PCTP: variants seen among roughly 807,000 people sequenced by gnomAD.
PCTP encodes the protein phosphatidylcholine transfer protein, also known as START domain-containing protein 2.
A neutral mutation model predicts 31.0 loss-of-function variants in PCTP; 27 were observed. The observed-to-expected ratio is 0.87, with a 90% CI of 0.64 to 1.20. The LOEUF is 1.20. PCTP is among the 50% of genes most tolerant of loss of function. The pLI, the probability that PCTP is intolerant of heterozygous loss-of-function variation, is 0.00. For synonymous variants in PCTP, 108 were observed against 101.2 expected (o/e 1.07, Z -0.40); for missense variants, 287 against 268.2 (o/e 1.07, Z -0.49).
chr17:55,795,713 A>G (rs1022343490), intron 3 of PCTP, among the ~76,000 whole-genome samples: 18 of 152,098 alleles, frequency 1.2e-4, no homozygotes, highest in African/African-American at 4.3e-4. Flanking sequence ...AACACATAGT[A>G]GATATTAAAA....
chr17:55,794,588 T>C (rs1912119894), intron 3 of PCTP, among the ~76,000 whole-genome samples: 1 of 152,004 alleles, frequency 6.6e-6, no homozygotes, highest in African/African-American at 2.4e-5. Context: ...TTATATGCAA[T>C]TTAAATTATA....
intron 1 of PCTP, among the ~76,000 whole-genome samples, chr17:55,757,000 G>T (rs1393469619): frequency 6.6e-6 from 1 of 152,012 alleles, no homozygotes; most frequent in Non-Finnish European, 1.5e-5. Context: ...TTCCTCATTT[G>T]CAAAACCTGG....
At chr17:55,762,273 G>A in intron 1 of PCTP, among the ~76,000 whole-genome samples, 1 of 152,130 alleles carries the variant, frequency 6.6e-6, no homozygotes. Context: ...ATTTTGTTCT[G>A]GTTGATCAGT....
intron 5 of PCTP, among the ~76,000 whole-genome samples, chr17:55,830,183 C>G (rs1261976912): frequency 1.3e-5 from 2 of 152,154 alleles, no homozygotes; most frequent in Non-Finnish European, 2.9e-5. Flanking sequence ...GCTAAAAAAC[C>G]TGGGCATCAG....
intron 3 of PCTP, among the ~76,000 whole-genome samples, chr17:55,817,978 T>C (rs150145877): frequency 1.0e-3 from 157 of 152,182 alleles, no homozygotes; most frequent in African/African-American, 3.6e-3. Flanking sequence ...TGATTGGTCA[T>C]AGGGGAGAGG....
chr17:55,843,200 A>C (rs914288429), downstream of PCTP, among the ~76,000 whole-genome samples: 2 of 152,066 alleles, frequency 1.3e-5, no homozygotes, highest in Non-Finnish European at 2.9e-5. Flanking sequence ...TATTATAATA[A>C]TGTTATATTA....
intron 3 of PCTP, among the ~76,000 whole-genome samples, chr17:55,821,717 A>G (rs1369079982): frequency 1.3e-5 from 2 of 152,190 alleles, no homozygotes; most frequent in Non-Finnish European, 1.5e-5. Context: ...CAAGGTCACA[A>G]AACTAGTAAT....
chr17:55,823,746 T>C (rs1419023233), downstream of PCTP, among the ~76,000 whole-genome samples: 2 of 152,222 alleles, frequency 1.3e-5, no homozygotes, highest in African/African-American at 4.8e-5. Context: ...GGCAACTGTT[T>C]TGGACATGTC....
At chr17:55,838,987 C>T (rs918028294) in intron 5 of PCTP, among the ~76,000 whole-genome samples, 2 of 152,168 alleles carry the variant, frequency 1.3e-5, no homozygotes, top group African/African-American at 4.8e-5. Context: ...AGCTGAGGCT[C>T]ATGGTTAACA....
chr17:55,794,733 T>C (rs1912126870), intron 3 of PCTP, among the ~76,000 whole-genome samples: 1 of 152,014 alleles, frequency 6.6e-6, no homozygotes, highest in African/African-American at 2.4e-5. Context: ...CCAAGAAGTT[T>C]CCGCATTTTG....
At chr17:55,798,158 G>T (rs1192437923) in intron 3 of PCTP, among the ~76,000 whole-genome samples, 3 of 151,946 alleles carry the variant, frequency 2.0e-5, no homozygotes, top group African/African-American at 7.2e-5. Context: ...AAAAATGTCA[G>T]TTGGAAATAT....
downstream of PCTP, among the ~76,000 whole-genome samples, chr17:55,845,776 C>T (rs117517869): frequency 0.023 from 3,472 of 152,028 alleles, 54 homozygotes; most frequent in Middle Eastern, 0.041. Flanking sequence ...GCCCCTGGCT[C>T]CGCACCAGCC....
At chr17:55,753,107 G>C (rs950411394) in intron 1 of PCTP, among the ~76,000 whole-genome samples, 3 of 152,146 alleles carry the variant, frequency 2.0e-5, no homozygotes, top group Non-Finnish European at 4.4e-5. Context: ...CCACATCAAG[G>C]CTTTGGCCAA....
downstream of PCTP, among the ~76,000 whole-genome samples, chr17:55,827,011 CA>C (rs1211950969): frequency 7.3e-6 from 1 of 137,152 alleles, no homozygotes; most frequent in Non-Finnish European, 1.5e-5. Context: ...ACAACAGATA[CA>C]AAAGATACCT....
downstream of PCTP, among the ~76,000 whole-genome samples, chr17:55,843,346 A>T (rs533145191): frequency 3.3e-5 from 5 of 152,288 alleles, no homozygotes; most frequent in South Asian, 1.0e-3. Flanking sequence ...TTTTAGGATA[A>T]GATTCAAATG....
In PCTP at chr17:55,829,890, TG is replaced by T. The variant is rs753000189; in HGVS notation, n.505+6967del. ...ATTTTTAAAAAAGGGCCATGAGTCATGGGGCAAATGGAAAGATGAAATGAGA... is the reference window on the plus strand; with the variant it reads ...ATTTTTAAAAAAGGGCCATGAGTCATGGGCAAATGGAAAGATGAAATGAGA... On this transcript the variant is annotated intron_variant and non_coding_transcript_variant, in intron 5 of 5. Coordinates refer to the PCTP transcript ENST00000576221. Among the ~76,000 whole-genome samples, 50 of 152,364 alleles carry T rather than the reference TG, an allele frequency of 3.3e-4. 1 individual carries two copies. The highest frequency in any genetic ancestry group is 4.0e-4 in the Non-Finnish European group (27 of 68,036).
At chr17:55,846,393 A>G (rs1906150731), downstream of PCTP, among the ~76,000 whole-genome samples, 1 of 152,206 alleles carries the variant, frequency 6.6e-6, no homozygotes, top group Non-Finnish European at 1.5e-5. Flanking sequence ...TCGTGGGGAT[A>G]TCGCTGCTAC....
intron 1 of PCTP, among the ~76,000 whole-genome samples, chr17:55,763,444 TAA>T (rs60917960): frequency 6.8e-6 from 1 of 147,188 alleles, no homozygotes; most frequent in Non-Finnish European, 1.5e-5. Flanking sequence ...ACATTTGTAG[TAA>T]AAAAAAAAAT....
intron 3 of PCTP, among the ~76,000 whole-genome samples, chr17:55,821,057 G>T (rs1051985646): frequency 3.9e-5 from 6 of 152,136 alleles, no homozygotes. Flanking sequence ...AGATACAGAA[G>T]AAATAAAAAC....
Sources: gnomAD v4.1 joint callset for allele counts (sites outside exome capture counted in the v4.1 genomes callset) on GRCh38, gnomAD v4.1.1 for gene constraint, MANE v1.5 for transcripts, NCBI Gene and HGNC (gene_info 2026-07-23, HGNC 2026-07-21) for gene names.